The following MACROD2 variants were observed in gnomAD, a reference collection of about 807,000 sequenced individuals.
The protein encoded by MACROD2 is ADP-ribose glycohydrolase MACROD2.
MACROD2 carries 36 observed loss-of-function variants against 70.4 expected under a neutral mutation model. The ratio of observed to expected loss-of-function variants is 0.51; its 90% CI spans 0.39 to 0.68. The LOEUF is 0.68. Among genes scored for constraint, MACROD2 ranks in the 30% least tolerant of loss-of-function variants. MACROD2 has a pLI of 0.00. For missense variants in MACROD2, 496 were observed against 538.4 expected (o/e 0.92, Z 0.78); for synonymous variants, 172 against 178.8 (o/e 0.96, Z 0.30).
chr20:14,556,828 G>A (rs1397208558), intron 4 of MACROD2, among the ~76,000 whole-genome samples: 1 of 151,968 alleles, frequency 6.6e-6, no homozygotes, highest in African/African-American at 2.4e-5. Flanking sequence ...GTAATAAAAT[G>A]ACAGTCTTAA....
intron 5 of MACROD2, among the ~76,000 whole-genome samples, chr20:15,154,534 A>G (rs898407721): frequency 3.3e-5 from 5 of 152,234 alleles, no homozygotes; most frequent in Non-Finnish European, 7.3e-5. Context: ...CTTATAAACA[A>G]CAGGCATTTA....
intron 3 of MACROD2, among the ~76,000 whole-genome samples, chr20:14,235,998 A>G (rs914326159): frequency 6.6e-6 from 1 of 152,146 alleles, no homozygotes; most frequent in Non-Finnish European, 1.5e-5. Context: ...TGATGTGTAA[A>G]TGTCCTAAAC....
chr20:14,026,386 T>C (rs1029641501), intron 2 of MACROD2, among the ~76,000 whole-genome samples: 5 of 152,242 alleles, frequency 3.3e-5, no homozygotes, highest in Non-Finnish European at 7.3e-5. Context: ...CCTGTCATTA[T>C]GATGGTAGCT....
chr20:15,489,203 GCA>G (rs1470966688), intron 7 of MACROD2, among the ~76,000 whole-genome samples: 4 of 152,178 alleles, frequency 2.6e-5, no homozygotes, highest in African/African-American at 9.7e-5. Flanking sequence ...ATTTGCTTTG[GCA>G]CACATAATGT....
chr20:14,439,311 A>AT (rs1277369943), intron 3 of MACROD2, among the ~76,000 whole-genome samples: 1 of 152,072 alleles, frequency 6.6e-6, no homozygotes, highest in Non-Finnish European at 1.5e-5. Flanking sequence ...TTGTAATATA[A>AT]TTTTAAATCG....
chr20:14,311,874 C>T (rs1454798475), intron 3 of MACROD2, among the ~76,000 whole-genome samples: 5 of 152,100 alleles, frequency 3.3e-5, no homozygotes, highest in Non-Finnish European at 7.4e-5. Flanking sequence ...TGTTACCACC[C>T]AAATTATTTC....
intron 2 of MACROD2, among the ~76,000 whole-genome samples, chr20:14,046,053 ACT>A (rs1002308270): frequency 6.6e-5 from 10 of 152,214 alleles, no homozygotes; most frequent in African/African-American, 2.2e-4. Flanking sequence ...TAATGAAAAG[ACT>A]CACAGTTGGT....
intron 5 of MACROD2, among the ~76,000 whole-genome samples, chr20:14,697,091 A>G (rs984360488): frequency 2.3e-4 from 35 of 152,168 alleles, no homozygotes; most frequent in African/African-American, 7.7e-4. Flanking sequence ...TGGGTTTGGG[A>G]GTGGCTTGAC....
intron 3 of MACROD2, among the ~76,000 whole-genome samples, chr20:14,203,772 G>A (rs1173213020): frequency 2.0e-5 from 3 of 152,192 alleles, no homozygotes; most frequent in Non-Finnish European, 4.4e-5. Flanking sequence ...ACCCATGGTG[G>A]CAGTCTGGGC....
At chr20:14,670,221 C>T (rs1246036888) in intron 4 of MACROD2, among the ~76,000 whole-genome samples, 2 of 152,140 alleles carry the variant, frequency 1.3e-5, no homozygotes, top group African/African-American at 2.4e-5. Context: ...ATTTACTCCT[C>T]ATTCAGACTG....
At chr20:14,063,987 A>C (rs536776355) in intron 2 of MACROD2, among the ~76,000 whole-genome samples, 2 of 152,172 alleles carry the variant, frequency 1.3e-5, no homozygotes, top group African/African-American at 4.8e-5. Context: ...TCGGCCTCCC[A>C]AAGTCTTGGA....
chr20:15,795,735 T>C (rs2063666919), intron 8 of MACROD2, among the ~76,000 whole-genome samples: 1 of 152,168 alleles, frequency 6.6e-6, no homozygotes, highest in African/African-American at 2.4e-5. Context: ...TATAAGAATG[T>C]CAAGTTGTCT....
At chr20:15,560,130 C>T (rs1051278281) in intron 8 of MACROD2, among the ~76,000 whole-genome samples, 4 of 152,172 alleles carry the variant, frequency 2.6e-5, no homozygotes, top group African/African-American at 4.8e-5. Context: ...AAAAGGGCAA[C>T]CATGTTTTCC....
At chr20:14,047,518 GTGA>G (rs1440020027) in intron 2 of MACROD2, among the ~76,000 whole-genome samples, 1 of 151,616 alleles carries the variant, frequency 6.6e-6, no homozygotes. Context: ...ATTCCTGGGA[GTGA>G]AAAAGAAAGG....
intron 3 of MACROD2, among the ~76,000 whole-genome samples, chr20:14,474,485 A>G (rs2084566692): frequency 6.6e-6 from 1 of 152,122 alleles, no homozygotes; most frequent in South Asian, 2.1e-4. Context: ...CTTTAGGTTC[A>G]TTTGGTTAGA....
At chr20:14,920,404 A>G (rs2074147434) in intron 5 of MACROD2, among the ~76,000 whole-genome samples, 1 of 152,192 alleles carries the variant, frequency 6.6e-6, no homozygotes, top group African/African-American at 2.4e-5. Flanking sequence ...TCCTAAATGT[A>G]AATAGGCCAG....
chr20:14,783,985 G>A (rs147132373), intron 5 of MACROD2, among the ~76,000 whole-genome samples: 1 of 152,182 alleles, frequency 6.6e-6, no homozygotes, highest in Non-Finnish European at 1.5e-5. Context: ...GTCAGAGAAA[G>A]CTCTTAGGCA....
At chr20:14,556,747 A>G (rs567509311) in intron 4 of MACROD2, among the ~76,000 whole-genome samples, 1 of 152,062 alleles carries the variant, frequency 6.6e-6, no homozygotes, top group South Asian at 2.1e-4. Context: ...AGAAATCAAG[A>G]TAGAAATTTT....
chr20:14,163,640 T>G (rs1044183784), intron 3 of MACROD2, among the ~76,000 whole-genome samples: 1 of 151,782 alleles, frequency 6.6e-6, no homozygotes, highest in African/African-American at 2.4e-5. Context: ...TGCTCATTCT[T>G]TGTTTTTCTT....
Sources: gnomAD v4.1 joint callset for allele counts (sites outside exome capture counted in the v4.1 genomes callset) on GRCh38, gnomAD v4.1.1 for gene constraint, MANE v1.5 for transcripts, NCBI Gene and HGNC (gene_info 2026-07-23, HGNC 2026-07-21) for gene names.